Variants in ITGAM observed in about 807,000 individuals in gnomAD.
ITGAM encodes integrin alpha-M.
A neutral mutation model predicts 137.5 loss-of-function variants in ITGAM; 79 were observed. That is an observed-to-expected ratio of 0.57 (90% CI 0.48 to 0.69). ITGAM has a LOEUF of 0.69. ITGAM is among the 30% of genes least tolerant of loss of function. The pLI is 0.00. For synonymous variants in ITGAM, 583 were observed against 592.3 expected, an observed-to-expected ratio of 0.98 and a Z score of 0.23; for missense variants, 1,343 against 1,483.5, an observed-to-expected ratio of 0.91 and a Z score of 1.56.
At chr16:31,266,930 C>T (rs1423664300) in intron 5 of ITGAM, among the ~76,000 whole-genome samples, 1 of 151,242 alleles carries the variant, frequency 6.6e-6, no homozygotes, top group Non-Finnish European at 1.5e-5. Flanking sequence ...TGCAGTGGCA[C>T]GATCTTGGCT....
chr16:31,296,059 G>A (rs1012048469), intron 12 of ITGAM, among the ~76,000 whole-genome samples: 2 of 150,502 alleles, frequency 1.3e-5, no homozygotes, highest in African/African-American at 2.4e-5. Flanking sequence ...CTTGCATCTC[G>A]CATCCCAGGG....
intron 28 of ITGAM, 130 bp downstream of exon 28, chr16:31,330,735 T>C (rs981564747): frequency 3.0e-6 from 2 of 660,306 alleles, no homozygotes; most frequent in Non-Finnish European, 2.5e-6. Flanking sequence ...GACAGAGAGA[T>C]ACAGAGACGT....
intron 10 of ITGAM, 73 bp downstream of exon 10, chr16:31,276,817 T>C (rs1023805442): frequency 3.2e-6 from 5 of 1,569,954 alleles, no homozygotes; most frequent in Non-Finnish European, 4.3e-6. Context: ...ATGTGGGGGT[T>C]TGGGGACTCT....
intron 12 of ITGAM, among the ~76,000 whole-genome samples, chr16:31,290,709 A>G (rs924490950): frequency 2.0e-5 from 3 of 152,140 alleles, no homozygotes; most frequent in African/African-American, 7.2e-5. Context: ...TTCCTATCCA[A>G]CATTGTACTG....
At chr16:31,323,261 A>T (rs959014069) in intron 16 of ITGAM, among the ~76,000 whole-genome samples, 1 of 151,978 alleles carries the variant, frequency 6.6e-6, no homozygotes, top group Non-Finnish European at 1.5e-5. Context: ...GTGAAACCCC[A>T]TCTCTACTAA....
At chr16:31,331,049 G>A (rs1301128880) in intron 28 of ITGAM, 116 bp from the exon 29 acceptor site, 4 of 630,132 alleles carry the variant, frequency 6.3e-6, no homozygotes, top group African/African-American at 1.9e-5. Flanking sequence ...GAGGGCTGGG[G>A]TTCTGGGGGA....
intron 14 of ITGAM, among the ~76,000 whole-genome samples, chr16:31,302,914 C>T (rs1377283068): frequency 1.4e-5 from 2 of 143,956 alleles, no homozygotes; most frequent in Non-Finnish European, 3.1e-5. Context: ...CTCTCTTTCC[C>T]TCCCTCTTTC....
intron 14 of ITGAM, among the ~76,000 whole-genome samples, chr16:31,307,738 G>A (rs1230894314): frequency 6.6e-6 from 1 of 151,938 alleles, no homozygotes; most frequent in African/African-American, 2.4e-5. Context: ...TTTTCAAAGG[G>A]AATGCTTCCA....
chr16:31,281,106 T>G (rs1341108498), intron 12 of ITGAM, among the ~76,000 whole-genome samples: 2 of 152,206 alleles, frequency 1.3e-5, no homozygotes, highest in Non-Finnish European at 2.9e-5. Flanking sequence ...GATGTGCTGC[T>G]GGATTCAGTT....
chr16:31,267,355 C>T (rs973229385), intron 5 of ITGAM, among the ~76,000 whole-genome samples: 5 of 152,020 alleles, frequency 3.3e-5, no homozygotes, highest in African/African-American at 4.8e-5. Context: ...ACAGTTAATC[C>T]TCCTTCCTCC....
intron 12 of ITGAM, among the ~76,000 whole-genome samples, chr16:31,280,688 G>A (rs1024442975): frequency 1.3e-5 from 2 of 151,302 alleles, no homozygotes; most frequent in African/African-American, 4.8e-5. Flanking sequence ...TGCAAACAGG[G>A]ACAATATGAA....
intron 23 of ITGAM, among the ~76,000 whole-genome samples, chr16:31,328,599 G>C (rs573230203): frequency 6.6e-6 from 1 of 151,398 alleles, no homozygotes; most frequent in Admixed American, 6.6e-5. Flanking sequence ...ATGTGTGTGT[G>C]AGGATCTATG....
intron 14 of ITGAM, among the ~76,000 whole-genome samples, chr16:31,305,155 C>T (rs2080252381): frequency 6.6e-6 from 1 of 151,952 alleles, no homozygotes; most frequent in Admixed American, 6.6e-5. Flanking sequence ...TGTAGTTTTC[C>T]TTGTAGGGAG....
chr16:31,270,051 A>G (rs148888601), intron 5 of ITGAM, among the ~76,000 whole-genome samples: 2 of 151,824 alleles, frequency 1.3e-5, no homozygotes, highest in Non-Finnish European at 2.9e-5. Context: ...ATCACTTTAT[A>G]TGTGTGTGCC....
chr16:31,263,878 C>T (rs1197137685), intron 2 of ITGAM, among the ~76,000 whole-genome samples: 4 of 150,794 alleles, frequency 2.7e-5, no homozygotes, highest in Admixed American at 2.6e-4. Context: ...CTTTGTCGTC[C>T]AGGCTGGAGT....
intron 12 of ITGAM, among the ~76,000 whole-genome samples, chr16:31,281,945 C>A (rs1278338259): frequency 6.6e-6 from 1 of 152,188 alleles, no homozygotes; most frequent in Non-Finnish European, 1.5e-5. Flanking sequence ...TTTCAAAGAA[C>A]ATCTTTATTT....
chr16:31,307,127 C>T (rs540810132), intron 14 of ITGAM, among the ~76,000 whole-genome samples: 467 of 152,098 alleles, frequency 3.1e-3, no homozygotes, highest in African/African-American at 0.011. Flanking sequence ...CTTGGCAATG[C>T]GGGCTCTTTT....
chr16:31,271,223 C>T, intron 6 of ITGAM, 139 bp downstream of exon 6: 1 of 604,630 alleles, frequency 1.7e-6, no homozygotes, highest in Non-Finnish European at 2.6e-6. Flanking sequence ...CTTCCTGAGT[C>T]TCTTTTCTGC....
At position 31,328,170 on chromosome 16, in the gene ITGAM, A is replaced by G; in HGVS notation, c.2732A>G (p.Asn911Ser). 6.2e-7 allele frequency: 1 copy of G among 1,613,994 alleles called. No homozygotes were observed. ...VTSENNMPRT[N>S]KTEFQLELPV... ...AGTGAGAACAACATGCCCAGAACCA[A>G]CAAAACCGAATTCCAACTGGAGCTG... is the stretch of plus-strand genomic sequence containing the variant. Residue 911 changes from asparagine to serine, a missense_variant, in exon 23 of 30, where the codon AAC (asparagine) becomes AGC (serine). Transcript: ENST00000544665.
Sources: gnomAD v4.1 joint callset for allele counts (sites outside exome capture counted in the v4.1 genomes callset) on GRCh38, gnomAD v4.1.1 for gene constraint, MANE v1.5 for transcripts, NCBI Gene and HGNC (gene_info 2026-07-23, HGNC 2026-07-21) for gene names.